Variants in ESRRB observed in about 807,000 individuals in gnomAD.
The protein encoded by ESRRB is estrogen related receptor beta.
ESRRB carries 16 observed loss-of-function variants against 46.0 expected under a neutral mutation model. The ratio of observed to expected loss-of-function variants is 0.35; its 90% CI spans 0.24 to 0.53. The LOEUF is 0.53. ESRRB is among the 20% of genes least tolerant of loss of function. The pLI, the probability that ESRRB is intolerant of heterozygous loss-of-function variation, is 0.93. For synonymous variants in ESRRB, 246 were observed against 259.6 expected, an observed-to-expected ratio of 0.95 and a Z score of 0.50; for missense variants, 488 against 607.4, an observed-to-expected ratio of 0.80 and a Z score of 2.07.
upstream of ESRRB, among the ~76,000 whole-genome samples, chr14:76,373,925 T>C (rs1294379711): frequency 6.6e-6 from 1 of 152,220 alleles, no homozygotes; most frequent in African/African-American, 2.4e-5. Context: ...TTGAATCCAT[T>C]GCTCTGGGCT....
intron 1 of ESRRB, among the ~76,000 whole-genome samples, chr14:76,430,081 A>G (rs538325118): frequency 5.9e-5 from 9 of 152,114 alleles, no homozygotes; most frequent in African/African-American, 2.2e-4. Context: ...CAACAGGAAA[A>G]CTGGAACCTT....
At chr14:76,442,297 G>A (rs1411372854) in intron 2 of ESRRB, among the ~76,000 whole-genome samples, 1 of 152,096 alleles carries the variant, frequency 6.6e-6, no homozygotes, top group Non-Finnish European at 1.5e-5. Flanking sequence ...CCAACATGGT[G>A]AAACCCTGTC....
chr14:76,499,550 A>G lies in ESRRB; in HGVS notation c.*1092A>G. The G allele has an allele frequency of 6.5e-6, 3 of 458,678 alleles. No homozygotes were observed. The highest frequency in any genetic ancestry group is 1.2e-5 in the Non-Finnish European group (3 of 247,756). 28.4% of individuals were successfully genotyped at this position (458,678 alleles called of 1,614,324 possible). ...ATCCTTCCTGGCTTCCCTTCCCTGC[A>G]CTCAGCATCATGCCACAGGGCTAGT... On this transcript the variant is annotated 3_prime_UTR_variant, in exon 7 of 7. Coordinates refer to ENST00000644823, the MANE Select transcript of ESRRB (RefSeq NM_001379180.1).
At chr14:76,473,092 C>T (rs575873940) in intron 3 of ESRRB, among the ~76,000 whole-genome samples, 79 of 152,202 alleles carry the variant, frequency 5.2e-4, no homozygotes, top group African/African-American at 1.9e-3. Context: ...GAAGATAGGA[C>T]TTGGAGATCT....
Position 76,364,156 on chromosome 14 carries a change from G to C in ESRRB, c.2+53240G>C, listed in dbSNP as rs1015830683. Among the ~76,000 whole-genome samples, 3 of 152,182 alleles carry C rather than the reference G, an allele frequency of 2.0e-5. No individual in the cohort carries two copies. The South Asian group carries it at 6.2e-4, about 32-fold the overall frequency. ...CCACAGGTACAGTGAAGAAGGGGCCGAAAGTGAAAATGCTATGGTTTTTAC... is the reference window on the plus strand; with the variant it reads ...CCACAGGTACAGTGAAGAAGGGGCCCAAAGTGAAAATGCTATGGTTTTTAC... On this transcript the variant is annotated intron_variant, in intron 1 of 6. Transcript: ENST00000512784.
At chr14:76,398,648 C>T (rs967001861) in intron 1 of ESRRB, among the ~76,000 whole-genome samples, 1 of 152,080 alleles carries the variant, frequency 6.6e-6, no homozygotes, top group Non-Finnish European at 1.5e-5. Context: ...AGGGGGCATA[C>T]GTATGGGGTA....
intron 6 of ESRRB, among the ~76,000 whole-genome samples, chr14:76,496,014 CTGCT>C (rs1890413218): frequency 1.3e-5 from 2 of 152,198 alleles, no homozygotes; most frequent in African/African-American, 2.4e-5. Flanking sequence ...CCTCTGCCAC[CTGCT>C]GGCTGAGTGT....
chr14:76,491,436 T>C lies in ESRRB; in HGVS notation c.851-11T>C. Reference sequence around the variant, plus strand: ...ACCTGCTGCTGCCCTCTGTGCCCCCTCTTCCTGCAGGCTTCTCAAGCCTCT... The same window carrying C: ...ACCTGCTGCTGCCCTCTGTGCCCCCCCTTCCTGCAGGCTTCTCAAGCCTCT... On this transcript the variant is annotated splice_polypyrimidine_tract_variant and intron_variant, in intron 5 of 6. Transcript: ENST00000644823. 1 of 1,607,732 alleles carries C rather than the reference T, an allele frequency of 6.2e-7. No individual in the cohort carries two copies. Among genetic ancestry groups the C allele is most frequent in the Non-Finnish European group, 8.5e-7 (1 of 1,178,076 alleles).
intron 1 of ESRRB, among the ~76,000 whole-genome samples, chr14:76,327,850 C>T (rs921113191): frequency 2.6e-5 from 4 of 151,874 alleles, no homozygotes; most frequent in South Asian, 2.1e-4. Context: ...ATTATAGGCA[C>T]GTGCCACCAC....
At chr14:76,471,946 A>T (rs534909283) in intron 3 of ESRRB, among the ~76,000 whole-genome samples, 1 of 152,316 alleles carries the variant, frequency 6.6e-6, no homozygotes, top group East Asian at 1.9e-4. Context: ...TGTCTGCCAC[A>T]GACTAAGAAA....
intron 1 of ESRRB, among the ~76,000 whole-genome samples, chr14:76,333,432 T>A (rs1382722862): frequency 1.9e-5 from 2 of 104,634 alleles, no homozygotes; most frequent in Admixed American, 1.1e-4. Context: ...ATATATATAT[T>A]TATATATGAT....
chr14:76,326,360 A>T (rs1566851690), intron 1 of ESRRB, among the ~76,000 whole-genome samples: 1 of 152,182 alleles, frequency 6.6e-6, no homozygotes, highest in Non-Finnish European at 1.5e-5. Flanking sequence ...CAGACTTTGG[A>T]CTTGGACAAA....
intron 1 of ESRRB, among the ~76,000 whole-genome samples, chr14:76,356,764 A>C (rs961537326): frequency 5.3e-5 from 8 of 151,060 alleles, no homozygotes; most frequent in Admixed American, 2.0e-4. Context: ...ATAAATAATC[A>C]CTCCTGTCCA....
At chr14:76,396,968 CT>C (rs1224321743) in intron 1 of ESRRB, among the ~76,000 whole-genome samples, 1 of 152,208 alleles carries the variant, frequency 6.6e-6, no homozygotes, top group Non-Finnish European at 1.5e-5. Context: ...AGCCATTAAT[CT>C]TGTGTCTCTG....
intron 1 of ESRRB, among the ~76,000 whole-genome samples, chr14:76,339,813 G>C (rs1020839138): frequency 6.6e-6 from 1 of 152,156 alleles, no homozygotes; most frequent in South Asian, 2.1e-4. Flanking sequence ...AGGCTATGCC[G>C]CGTGCCCCGT....
intron 1 of ESRRB, among the ~76,000 whole-genome samples, chr14:76,420,656 GA>G (rs71122533): frequency 0.7 from 77,595 of 110,780 alleles, 22,960 homozygotes; most frequent in Non-Finnish European, 0.73. Flanking sequence ...GCACTGTGAG[GA>G]ACAAAGTAAT....
intron 1 of ESRRB, among the ~76,000 whole-genome samples, chr14:76,352,833 C>T (rs768490563): frequency 1.3e-5 from 2 of 152,222 alleles, no homozygotes; most frequent in Non-Finnish European, 2.9e-5. Flanking sequence ...AACGCGGGCT[C>T]TCTCCCCTCT....
At chr14:76,439,855 G>T in intron 2 of ESRRB, 105 bp downstream of exon 2, 2 of 1,307,620 alleles carry the variant, frequency 1.5e-6, no homozygotes, top group South Asian at 1.4e-5. Context: ...CCAATTCTGG[G>T]CGCTGTTGGA....
intron 1 of ESRRB, among the ~76,000 whole-genome samples, chr14:76,322,698 G>T: frequency 6.6e-6 from 1 of 152,180 alleles, no homozygotes; most frequent in East Asian, 1.9e-4. Context: ...GCTGTCCCAA[G>T]CTTACTCCAC....
Sources: allele counts gnomAD v4.1 joint callset (sites outside exome capture counted in the v4.1 genomes callset), GRCh38; gene constraint gnomAD v4.1.1; transcripts MANE v1.5; gene names NCBI Gene and HGNC (gene_info 2026-07-23, HGNC 2026-07-21).